Variants in ATP2C2 observed in about 807,000 individuals in gnomAD.
ATP2C2 encodes the protein calcium-transporting ATPase type 2C member 2.
ATP2C2 carries 171 observed loss-of-function variants against 110.8 expected under a neutral mutation model. The observed-to-expected ratio is 1.54, with a 90% confidence interval of 1.36 to 1.75. The LOEUF (loss-of-function observed/expected upper bound fraction) is 1.75, where lower values mean the gene tolerates loss of function less well. Among genes scored for constraint, ATP2C2 ranks in the 40% most tolerant of loss-of-function variants. The pLI is 0.00. For missense variants in ATP2C2, 1,963 were observed against 1,235.0 expected (o/e 1.59, Z -8.84); for synonymous variants, 804 against 508.4 (o/e 1.58, Z -7.82).
At chr16:84,422,268 T>C in intron 7 of ATP2C2, 122 bp from the exon 8 acceptor site, 1 of 1,204,030 alleles carries the variant, frequency 8.3e-7, no homozygotes, top group Non-Finnish European at 1.2e-6. Flanking sequence ...TGACACTCAT[T>C]CTGTAGGTTC....
intron 3 of ATP2C2, chr16:84,406,784 C>T (rs902215706): frequency 7.6e-5 from 27 of 356,540 alleles, no homozygotes; most frequent in African/African-American, 2.9e-4. Flanking sequence ...CTCCCCTCTG[C>T]GGCTGGAGAT....
chr16:84,374,317 G>A (rs1910131760), intron 1 of ATP2C2, among the ~76,000 whole-genome samples: 1 of 152,190 alleles, frequency 6.6e-6, no homozygotes, highest in Non-Finnish European at 1.5e-5. Context: ...TTCAGTGTGT[G>A]TCAGCCTTCA....
At position 84,439,411 on chromosome 16, in the gene ATP2C2, G is replaced by C. The variant is rs1909039511; in HGVS notation, c.1112-16G>C. The C allele has an allele frequency of 2.5e-6, 4 of 1,613,822 alleles. No individual in the cohort carries two copies. Among genetic ancestry groups the C allele is most frequent in the Middle Eastern group, 1.6e-4 (1 of 6,078 alleles). On this transcript the variant is annotated splice_polypyrimidine_tract_variant and intron_variant, in intron 12 of 26. Transcript: ENST00000262429. The stretch of plus-strand genomic sequence containing the variant: ...ATGGCAACTTCTCTTCTATAAACTG[G>C]TGTTTGTTGTACCAGGTTGCTGCAG...
chr16:84,405,270 C>T, intron 3 of ATP2C2, 26 bp downstream of exon 3: 1 of 1,574,570 alleles, frequency 6.4e-7, no homozygotes, highest in Non-Finnish European at 8.7e-7. Flanking sequence ...TCATTCTTTG[C>T]ATTAACATGC....
intron 1 of ATP2C2, among the ~76,000 whole-genome samples, chr16:84,388,857 C>T (rs563865382): frequency 3.9e-5 from 6 of 152,248 alleles, no homozygotes; most frequent in South Asian, 2.1e-4. Context: ...CTGCTACCTC[C>T]GCCTCCTGGG....
intron 1 of ATP2C2, among the ~76,000 whole-genome samples, chr16:84,369,250 C>T (rs1458703914): frequency 6.6e-6 from 1 of 152,212 alleles, no homozygotes; most frequent in East Asian, 1.9e-4. Context: ...TGCTTTGCAA[C>T]CTTCAGGGAC....
chr16:84,449,993 G>A (rs1356919803), intron 17 of ATP2C2, among the ~76,000 whole-genome samples: 2 of 152,238 alleles, frequency 1.3e-5, no homozygotes, highest in Non-Finnish European at 2.9e-5. Flanking sequence ...AGCCGGCCCA[G>A]GTGACACAGC....
intron 17 of ATP2C2, among the ~76,000 whole-genome samples, chr16:84,451,465 C>A (rs953229595): frequency 6.6e-6 from 1 of 152,230 alleles, no homozygotes; most frequent in Non-Finnish European, 1.5e-5. Flanking sequence ...CTGGAGGCAT[C>A]TCTGCCCTCC....
chr16:84,445,683 T>C (rs1417319779), intron 15 of ATP2C2, among the ~76,000 whole-genome samples: 1 of 152,216 alleles, frequency 6.6e-6, no homozygotes, highest in African/African-American at 2.4e-5. Context: ...GGTTTAGGCA[T>C]TTCTTCCCTA....
chr16:84,408,210 G>T (rs1368961673), intron 3 of ATP2C2, among the ~76,000 whole-genome samples, 195 bp from the exon 4 acceptor site: 1 of 152,190 alleles, frequency 6.6e-6, no homozygotes, highest in Non-Finnish European at 1.5e-5. Flanking sequence ...ACCTGGGAGG[G>T]TCAATTGGGT....
At chr16:84,432,368 C>T (rs898330273) in intron 11 of ATP2C2, among the ~76,000 whole-genome samples, 1 of 152,208 alleles carries the variant, frequency 6.6e-6, no homozygotes, top group African/African-American at 2.4e-5. Context: ...GCTGCACCTA[C>T]CAACCCGTCA....
intron 15 of ATP2C2, among the ~76,000 whole-genome samples, chr16:84,445,080 A>G (rs955002222): frequency 1.3e-5 from 2 of 152,078 alleles, no homozygotes; most frequent in Non-Finnish European, 2.9e-5. Flanking sequence ...TCCGTCTCCC[A>G]GTTTCTGGGT....
intron 1 of ATP2C2, among the ~76,000 whole-genome samples, chr16:84,391,052 T>A (rs1904626607): frequency 7.6e-6 from 1 of 132,072 alleles, no homozygotes; most frequent in Admixed American, 9.1e-5. Flanking sequence ...GGGCAGAGGT[T>A]GCAGTGAGCC....
rs557972304 is a variant in ATP2C2 at position 84,461,914 on chromosome 16, G to A, written c.2581-74G>A. 117 of 1,606,540 alleles carry A rather than the reference G, an allele frequency of 7.3e-5. No homozygotes were observed. In the Middle Eastern group the frequency reaches 1.2e-3, roughly 16 times the overall value. On this transcript the variant is annotated intron_variant, in intron 25 of 26. Transcript: ENST00000262429. The stretch of plus-strand genomic sequence containing the variant: ...CATTGAGCGGCTCTGGCTCAGCGTG[G>A]GCAGTCAGAGCTCCCCTGCCTGTAC...
intron 2 of ATP2C2, among the ~76,000 whole-genome samples, chr16:84,399,495 C>G (rs1345366523): frequency 1.3e-5 from 2 of 152,162 alleles, no homozygotes; most frequent in African/African-American, 4.8e-5. Flanking sequence ...ACTTTTGTTG[C>G]GACCAGAACA....
At position 84,453,134 on chromosome 16, in the gene ATP2C2, G is replaced by C. The variant is rs1411272958; in HGVS notation, c.1832-4G>C. 6.2e-7 allele frequency: 1 copy of C among 1,606,236 alleles called. No individual in the cohort carries two copies. The highest frequency in any genetic ancestry group is 1.3e-5 in the African/African-American group (1 of 74,712). ...GCAGGCCCTCAGAACAGGTTCTTCTGAAGGAAGAAACATCGGCCTGTGCAA... is the reference window on the plus strand; with the variant it reads ...GCAGGCCCTCAGAACAGGTTCTTCTCAAGGAAGAAACATCGGCCTGTGCAA... On this transcript the variant is annotated splice_region_variant and splice_polypyrimidine_tract_variant and intron_variant, in intron 18 of 26. Coordinates refer to ENST00000262429, the MANE Select transcript of ATP2C2 (RefSeq NM_014861.4).
At chr16:84,405,277 A>C in intron 3 of ATP2C2, 33 bp downstream of exon 3, 1 of 1,565,996 alleles carries the variant, frequency 6.4e-7, no homozygotes, top group Non-Finnish European at 8.8e-7. Flanking sequence ...TTGCATTAAC[A>C]TGCATAAGCC....
At chr16:84,403,285 C>A (rs1389071893) in intron 2 of ATP2C2, among the ~76,000 whole-genome samples, 1 of 152,074 alleles carries the variant, frequency 6.6e-6, no homozygotes, top group Admixed American at 6.6e-5. Flanking sequence ...GGTAAATACA[C>A]AACATAAAAT....
intron 11 of ATP2C2, 119 bp downstream of exon 11, chr16:84,425,920 C>G: frequency 8.0e-7 from 1 of 1,251,990 alleles, no homozygotes; most frequent in Non-Finnish European, 1.2e-6. Flanking sequence ...AGGTGCAGCC[C>G]CGTCACCCAA....
Sources: allele counts gnomAD v4.1 joint callset (sites outside exome capture counted in the v4.1 genomes callset), GRCh38; gene constraint gnomAD v4.1.1; transcripts MANE v1.5; gene names NCBI Gene and HGNC (gene_info 2026-07-23, HGNC 2026-07-21).